PCDHGA7: variants seen among roughly 807,000 people sequenced by gnomAD.
PCDHGA7 encodes the protein protocadherin gamma subfamily A, 7.
PCDHGA7 carries 44 observed loss-of-function variants against 58.3 expected under a neutral mutation model. The ratio of observed to expected loss-of-function variants is 0.75; its 90% CI spans 0.59 to 0.97. PCDHGA7 has a LOEUF of 0.97. PCDHGA7 is among the 50% of genes least tolerant of loss of function. The pLI is 0.00. For missense variants in PCDHGA7, 1,266 were observed against 1,188.7 expected, an observed-to-expected ratio of 1.06 and a Z score of -0.96; for synonymous variants, 516 against 504.2, an observed-to-expected ratio of 1.02 and a Z score of -0.31.
At chr5:141,453,101 TTTTTGTTTTG>T (rs879618609) in intron 1 of PCDHGA7, among the ~76,000 whole-genome samples, 16 of 152,130 alleles carry the variant, frequency 1.1e-4, no homozygotes, top group Middle Eastern at 3.4e-3. Flanking sequence ...TTCTGTTGCT[TTTTTGTTTTG>T]TTTTGTTTTG....
chr5:141,504,583 A>G (rs1230825472), intron 2 of PCDHGA7, among the ~76,000 whole-genome samples: 1 of 146,622 alleles, frequency 6.8e-6, no homozygotes, highest in African/African-American at 2.5e-5. Flanking sequence ...CCATCTGCCC[A>G]GGATTCACAG....
In PCDHGA7 at chr5:141,431,627, C is replaced by T. The variant is rs769351473; in HGVS notation, c.2424+46304C>T. 2.5e-6 allele frequency: 4 copies of T among 1,614,076 alleles called. No homozygotes were observed. The South Asian group carries it at 4.4e-5, about 18-fold the overall frequency. On this transcript the variant is annotated intron_variant, in intron 1 of 3. Coordinates refer to ENST00000518325, the MANE Select transcript of PCDHGA7 (RefSeq NM_018920.4). The surrounding 1 kb of genome is among the most constrained non-coding windows in gnomAD (Gnocchi z 4.8). Reference sequence around the variant, plus strand: ...CCGGTATGTGGACGACAAGGCGGCCCAAGTTTTCAAACTAGATTGTAATTC... The same window carrying T: ...CCGGTATGTGGACGACAAGGCGGCCTAAGTTTTCAAACTAGATTGTAATTC...
Position 141,393,095 on chromosome 5 carries a change from G to A in PCDHGA7, c.2424+7772G>A, listed in dbSNP as rs1057103671. On this transcript the variant is annotated intron_variant, in intron 1 of 3. Transcript: ENST00000518325. ...CCGCGGGCAGGATAGATCGGGAGGA[G>A]CTCTGCGCTCAGAGCCCGCGGTGTC... The A allele has an allele frequency of 3.1e-6, 5 of 1,613,520 alleles. No homozygotes were observed. The East Asian group carries it at 8.9e-5, about 29-fold the overall frequency.
intron 1 of PCDHGA7, chr5:141,410,184 A>G: frequency 6.2e-7 from 1 of 1,613,918 alleles, no homozygotes; most frequent in Non-Finnish European, 8.5e-7. Flanking sequence ...GCCACGCTTC[A>G]TCTGGTCTTC....
chr5:141,423,758 G>C lies in PCDHGA7; in HGVS notation c.2424+38435G>C, dbSNP rs1192987646. 54 of 366,760 alleles carry C rather than the reference G, an allele frequency of 1.5e-4. 3 individuals carry two copies. The highest frequency in any genetic ancestry group is 1.4e-4 in the Non-Finnish European group (36 of 259,732). 22.7% of individuals were successfully genotyped at this position (366,760 alleles called of 1,614,324 possible). A position where few individuals can be genotyped will look rare whatever the true frequency, so the allele number is the denominator to read the frequency against. Reference sequence around the variant, plus strand: ...CTGTTATGAAAACTGTTTGGGGGGGGGGTGGGGCGGCATATATTTAGTTCA... The same window carrying C: ...CTGTTATGAAAACTGTTTGGGGGGGCGGTGGGGCGGCATATATTTAGTTCA... On this transcript the variant is annotated intron_variant, in intron 1 of 3. Transcript: ENST00000518325.
chr5:141,509,024 C>T (rs2099873840), intron 3 of PCDHGA7, among the ~76,000 whole-genome samples: 1 of 152,108 alleles, frequency 6.6e-6, no homozygotes, highest in African/African-American at 2.4e-5. Flanking sequence ...GCTGCTCCCT[C>T]CCACTCAACC....
chr5:141,419,315 C>A lies in PCDHGA7; in HGVS notation c.2424+33992C>A, dbSNP rs2096357855. ...TGACCCAGACTTCGGGCTCAACGGC[C>A]GTGTCTCCTACTCTCTCATTGCCAG... On this transcript the variant is annotated intron_variant, in intron 1 of 3. Transcript: ENST00000518325. 3 of 1,613,880 alleles carry A rather than the reference C, an allele frequency of 1.9e-6. No homozygotes were observed. Among genetic ancestry groups the A allele is most frequent in the Non-Finnish European group, 2.5e-6 (3 of 1,179,910 alleles).
intron 1 of PCDHGA7, among the ~76,000 whole-genome samples, chr5:141,453,479 A>G (rs1345415084): frequency 1.3e-5 from 2 of 152,082 alleles, no homozygotes; most frequent in Non-Finnish European, 2.9e-5. Context: ...AGTCAAAACT[A>G]TTAAAAAAAG....
chr5:141,501,945 T>G (rs1318749969), intron 2 of PCDHGA7, among the ~76,000 whole-genome samples: 5 of 152,106 alleles, frequency 3.3e-5, no homozygotes, highest in African/African-American at 1.2e-4. Context: ...CACTGCTCCC[T>G]GTGACAGGTC....
At position 141,399,337 on chromosome 5, in the gene PCDHGA7, GGAACCCTAGACC is replaced by G. The variant is rs754766358; in HGVS notation, c.2424+14017_2424+14028del. 29 of 1,613,990 alleles carry G rather than the reference GGAACCCTAGACC, an allele frequency of 1.8e-5. No individual in the cohort carries two copies. In the South Asian group the frequency reaches 3.1e-4, roughly 17 times the overall value. Reference sequence around the variant, plus strand: ...AAATTCGTATAAGTTGGTAACAGATGGAACCCTAGACCGAGAGCAAACCCCGGAGTACAATGT... The same window carrying G: ...AAATTCGTATAAGTTGGTAACAGATGGAGAGCAAACCCCGGAGTACAATGT... On this transcript the variant is annotated intron_variant, in intron 1 of 3. Transcript: ENST00000518325.
In PCDHGA7 at chr5:141,476,348, G is replaced by T. The variant is rs764669470; in HGVS notation, c.2425-18459G>T. On this transcript the variant is annotated intron_variant, in intron 1 of 3. Transcript: ENST00000518325. This position sits in a 1 kb window ranked among gnomAD's most constrained non-coding sequence, Gnocchi z 7.6. ...GTCTGGAGCTAGCCGAAGATTCTTTGAGGTGAACCGGGAGACCGGAGAGAT... is the reference window on the plus strand; with the variant it reads ...GTCTGGAGCTAGCCGAAGATTCTTTTAGGTGAACCGGGAGACCGGAGAGAT... 1 of 1,614,190 alleles carries T rather than the reference G, an allele frequency of 6.2e-7. No individual in the cohort carries two copies. The highest frequency in any genetic ancestry group is 8.5e-7 in the Non-Finnish European group (1 of 1,180,032).
intron 2 of PCDHGA7, among the ~76,000 whole-genome samples, chr5:141,501,290 T>TACACACACACACAC (rs55762287): frequency 7.3e-6 from 1 of 136,164 alleles, no homozygotes; most frequent in Non-Finnish European, 1.6e-5. Context: ...TATTCCCTTA[T>TACACACACACACAC]ACACACACAC....
Position 141,485,036 on chromosome 5 carries a change from C to A in PCDHGA7, c.2425-9771C>A. ...CGCCACCAGCAAAAACGGCGCGTAA[C>A]CCTTGCGGCGCCGGCCGAACCGCGC... On this transcript the variant is annotated intron_variant, in intron 1 of 3. Coordinates refer to ENST00000518325, the MANE Select transcript of PCDHGA7 (RefSeq NM_018920.4). The surrounding 1 kb of genome is among the most constrained non-coding windows in gnomAD (Gnocchi z 5.7). 1 of 698,458 alleles carries A rather than the reference C, an allele frequency of 1.4e-6. No individual in the cohort carries two copies. The highest frequency in any genetic ancestry group is 2.5e-6 in the Non-Finnish European group (1 of 399,316). The allele number at this position is 698,458 out of a possible 1,614,324, so 43.3% of individuals were successfully genotyped here. A position where few individuals can be genotyped will look rare whatever the true frequency, so the allele number is the denominator to read the frequency against.
intron 1 of PCDHGA7, chr5:141,393,960 G>T: frequency 6.2e-7 from 1 of 1,613,944 alleles, no homozygotes; most frequent in South Asian, 1.1e-5. Context: ...TGGTCAAGTT[G>T]TCTGTTACAC....
At chr5:141,405,024 T>C in intron 1 of PCDHGA7, 1 of 1,613,920 alleles carries the variant, frequency 6.2e-7, no homozygotes, top group Non-Finnish European at 8.5e-7. Flanking sequence ...GACCTTACCC[T>C]CTACCTCGTT....
At chr5:141,402,103 A>C (rs565155809) in intron 1 of PCDHGA7, among the ~76,000 whole-genome samples, 3 of 152,336 alleles carry the variant, frequency 2.0e-5, no homozygotes, top group African/African-American at 4.8e-5. Flanking sequence ...TTAAGCAATT[A>C]CAAAAATGTG....
Position 141,432,254 on chromosome 5 carries a change from G to A in PCDHGA7, c.2424+46931G>A, listed in dbSNP as rs935437220. 6.2e-7 allele frequency: 1 copy of A among 1,614,242 alleles called. No homozygotes were observed. The highest frequency in any genetic ancestry group is 8.5e-7 in the Non-Finnish European group (1 of 1,180,050). ...CCTGGCTGAGAACACCATCCAAGGG[G>A]CAAGCCTATCGTCCTACGTGTCCAT... On this transcript the variant is annotated intron_variant, in intron 1 of 3. Transcript: ENST00000518325. The surrounding 1 kb of genome is among the most constrained non-coding windows in gnomAD (Gnocchi z 6.0).
intron 1 of PCDHGA7, chr5:141,394,604 C>G: frequency 6.2e-7 from 1 of 1,613,590 alleles, no homozygotes. Context: ...TGGACAGAGA[C>G]TCGGGCCAGA....
chr5:141,471,789 TCATATAAAAGA>T (rs777265354), intron 1 of PCDHGA7, among the ~76,000 whole-genome samples: 14 of 152,224 alleles, frequency 9.2e-5, no homozygotes, highest in Non-Finnish European at 1.9e-4. Flanking sequence ...TTATGCTATG[TCATATAAAAGA>T]CATATAAAAG....
Sources: gnomAD v4.1 joint callset for allele counts (sites outside exome capture counted in the v4.1 genomes callset) on GRCh38, gnomAD v4.1.1 for gene constraint, Gnocchi (gnomAD v3.1) non-coding constraint, MANE v1.5 for transcripts, NCBI Gene and HGNC (gene_info 2026-07-23, HGNC 2026-07-21) for gene names.